IQCB1: variants seen among roughly 807,000 people sequenced by gnomAD.
IQCB1 encodes IQ motif containing B1, also known as IQ calmodulin-binding motif-containing protein 1.
IQCB1 carries 56 observed loss-of-function variants against 84.4 expected under a neutral mutation model. That is an observed-to-expected ratio of 0.66 (90% CI 0.54 to 0.83). IQCB1 has a LOEUF of 0.83. IQCB1 is among the 40% of genes least tolerant of loss of function. The probability of loss-of-function intolerance (pLI) is 0.00; values close to 1 mark genes in which losing one functional copy is unlikely to be tolerated. For synonymous variants in IQCB1, 210 were observed against 234.8 expected (o/e 0.89, Z 0.96); for missense variants, 629 against 682.1 (o/e 0.92, Z 0.87).
intron 7 of IQCB1, among the ~76,000 whole-genome samples, chr3:121,803,880 C>T (rs1281384083): frequency 2.0e-5 from 3 of 152,094 alleles, no homozygotes; most frequent in African/African-American, 7.2e-5. Flanking sequence ...TAGGCTTGTA[C>T]TTTTTAAATC....
At chr3:121,823,636 C>A (rs1950351382) in intron 5 of IQCB1, among the ~76,000 whole-genome samples, 1 of 152,066 alleles carries the variant, frequency 6.6e-6, no homozygotes, top group South Asian at 2.1e-4. Context: ...AAAGTGAAGG[C>A]ATCATGAAGA....
chr3:121,787,973 T>C (rs1948805192), intron 12 of IQCB1, among the ~76,000 whole-genome samples: 2 of 152,168 alleles, frequency 1.3e-5, no homozygotes, highest in African/African-American at 2.4e-5. Flanking sequence ...GCACATGTGA[T>C]GAGCTGACAA....
intron 5 of IQCB1, among the ~76,000 whole-genome samples, chr3:121,810,906 A>G (rs866041496): frequency 6.6e-6 from 1 of 152,214 alleles, no homozygotes; most frequent in Middle Eastern, 3.2e-3. Flanking sequence ...ACAAAATGCC[A>G]GTGGAGATAT....
At chr3:121,784,765 T>C (rs997569818) in intron 12 of IQCB1, among the ~76,000 whole-genome samples, 5 of 152,274 alleles carry the variant, frequency 3.3e-5, no homozygotes, top group Middle Eastern at 3.4e-3. Context: ...CACTGCAGCC[T>C]CAACCTCCTG....
intron 7 of IQCB1, among the ~76,000 whole-genome samples, chr3:121,804,504 TA>T (rs1949532567): frequency 6.6e-6 from 1 of 152,170 alleles, no homozygotes; most frequent in African/African-American, 2.4e-5. Flanking sequence ...GCTGAGCATG[TA>T]ATTCTAATTT....
intron 9 of IQCB1, 42 bp downstream of exon 9, chr3:121,797,076 T>G (rs761494134): frequency 2.0e-6 from 2 of 997,754 alleles, no homozygotes; most frequent in Admixed American, 1.7e-5. Context: ...TTTAATATAG[T>G]CAGCAAATAT....
intron 13 of IQCB1, among the ~76,000 whole-genome samples, chr3:121,780,772 A>G (rs115479184): frequency 0.02 from 3,048 of 152,324 alleles, 56 homozygotes; most frequent in Non-Finnish European, 0.033. Context: ...AGGGTGAATG[A>G]TAGGACTCCC....
At chr3:121,833,305 G>A (rs180681102) in intron 2 of IQCB1, among the ~76,000 whole-genome samples, 15 of 152,294 alleles carry the variant, frequency 9.8e-5, no homozygotes, top group Admixed American at 7.2e-4. Context: ...TACCTGGCAC[G>A]TACTAGGATT....
chr3:121,788,292 G>A lies in IQCB1; in HGVS notation c.1270C>T (p.Gln424Ter). 1 of 1,613,920 alleles carries A rather than the reference G, an allele frequency of 6.2e-7. No homozygotes were observed. Among genetic ancestry groups the A allele is most frequent in the Non-Finnish European group, 8.5e-7 (1 of 1,179,924 alleles). ...LIEYKAAVTLQRAALKFLAKC... is the reference protein window; with the variant it reads ...LIEYKAAVTL ...CACTACATTAGACTCACTGCTCTTT[G>A]AAGTGTGACAGCTGCTTTATACTCT... The change falls in exon 12 of 15, where the codon CAA becomes TAA. Residue 424 changes from glutamine to a stop codon, truncating the protein, a stop_gained. Coordinates refer to ENST00000310864, the MANE Select transcript of IQCB1 (RefSeq NM_001023570.4). LOFTEE classifies it high-confidence loss of function.
chr3:121,797,875 T>C (rs1229965856), intron 8 of IQCB1, among the ~76,000 whole-genome samples: 1 of 151,986 alleles, frequency 6.6e-6, no homozygotes, highest in Non-Finnish European at 1.5e-5. Flanking sequence ...ATAATGTGTG[T>C]ATTCAAAATA....
chr3:121,783,597 G>C (rs1024724420), intron 12 of IQCB1, among the ~76,000 whole-genome samples: 2 of 151,908 alleles, frequency 1.3e-5, no homozygotes, highest in Non-Finnish European at 2.9e-5. Context: ...TACAAACTCT[G>C]CCCTAATTTT....
intron 7 of IQCB1, among the ~76,000 whole-genome samples, chr3:121,801,837 A>C (rs1949420586): frequency 8.6e-6 from 1 of 116,768 alleles, no homozygotes; most frequent in African/African-American, 3.4e-5. Flanking sequence ...TTTTTAATTA[A>C]AATCAGGGCT....
chr3:121,790,310 A>T (rs1948915467), intron 10 of IQCB1, 95 bp from the exon 11 acceptor site: 2 of 1,145,086 alleles, frequency 1.7e-6, no homozygotes, highest in Admixed American at 3.8e-5. Context: ...AACAGAAAAA[A>T]TTTTAAGATA....
chr3:121,793,355 C>G (rs1460263397), intron 10 of IQCB1, among the ~76,000 whole-genome samples: 2 of 152,086 alleles, frequency 1.3e-5, no homozygotes, highest in African/African-American at 4.8e-5. Flanking sequence ...TAAAAGAATG[C>G]CTCTTGCTGA....
At chr3:121,800,579 A>G (rs1476150054) in intron 7 of IQCB1, among the ~76,000 whole-genome samples, 1 of 151,840 alleles carries the variant, frequency 6.6e-6, no homozygotes, top group Non-Finnish European at 1.5e-5. Flanking sequence ...CTGTCCCATC[A>G]GTCAATGTCA....
chr3:121,784,218 T>A (rs1433653840), intron 12 of IQCB1, among the ~76,000 whole-genome samples: 1 of 151,630 alleles, frequency 6.6e-6, no homozygotes, highest in Non-Finnish European at 1.5e-5. Context: ...AGATTCTACC[T>A]TTTTTTCTTT....
intron 10 of IQCB1, among the ~76,000 whole-genome samples, chr3:121,793,643 C>G (rs1049644379): frequency 6.6e-6 from 1 of 152,138 alleles, no homozygotes; most frequent in African/African-American, 2.4e-5. Context: ...ATTCTGGAAC[C>G]TCAAATGCAA....
intron 5 of IQCB1, among the ~76,000 whole-genome samples, chr3:121,820,916 C>T (rs1033552526): frequency 2.0e-4 from 25 of 126,022 alleles, no homozygotes; most frequent in Non-Finnish European, 3.3e-4. Context: ...ACTCTTATGT[C>T]TCCTCAAAAA....
At chr3:121,792,851 T>C (rs2093458890) in intron 10 of IQCB1, among the ~76,000 whole-genome samples, 1 of 152,170 alleles carries the variant, frequency 6.6e-6, no homozygotes, top group South Asian at 2.1e-4. Flanking sequence ...TCAGAGTTTC[T>C]CTAATCACTC....
Sources: allele counts gnomAD v4.1 joint callset (sites outside exome capture counted in the v4.1 genomes callset), GRCh38; gene constraint gnomAD v4.1.1; transcripts MANE v1.5; gene names NCBI Gene and HGNC (gene_info 2026-07-23, HGNC 2026-07-21).